The following TET2 variants were observed in gnomAD, a reference collection of about 807,000 sequenced individuals.
TET2 encodes methylcytosine dioxygenase TET2.
A neutral mutation model predicts 142.9 loss-of-function variants in TET2; 299 were observed. The ratio of observed to expected loss-of-function variants is 2.09; its 90% CI spans 1.90 to 2.30. The LOEUF (loss-of-function observed/expected upper bound fraction) is 2.30. TET2 is among the 30% of genes most tolerant of loss of function. The pLI is 0.00. For missense variants in TET2, 2,418 were observed against 2,378.0 expected (o/e 1.02, Z -0.35); for synonymous variants, 819 against 849.0 (o/e 0.96, Z 0.61).
intron 1 of TET2, among the ~76,000 whole-genome samples, chr4:105,181,053 CA>C (rs1725093356): frequency 6.6e-6 from 1 of 152,254 alleles, no homozygotes; most frequent in Middle Eastern, 3.4e-3. Context: ...TCTATAAAAC[CA>C]AGTTTAAAAA....
chr4:105,237,178 C>T lies in TET2; in HGVS notation c.3236C>T (p.Pro1079Leu), dbSNP rs749559978. ...TTAAELDSHT[P>L]ALEQQTTSSE... ...GCTGCAGAACTTGATAGCCACACCC[C>T]AGCTTTAGAGCAGCAAACAACTTCT... Residue 1079 changes from proline (P) to leucine (L), a missense_variant, in exon 3 of 11, where the codon CCA becomes CTA. Pro to Leu is a moderately conservative substitution (Grantham distance 98). Coordinates refer to ENST00000380013, the MANE Select transcript of TET2 (RefSeq NM_001127208.3). 2 of 1,614,026 alleles carry T rather than the reference C, an allele frequency of 1.2e-6. No homozygotes were observed. Among genetic ancestry groups the T allele is most frequent in the African/African-American group, 1.3e-5 (1 of 74,928 alleles).
At chr4:105,153,344 T>G (rs1254591169) in intron 1 of TET2, among the ~76,000 whole-genome samples, 1 of 152,260 alleles carries the variant, frequency 6.6e-6, no homozygotes, top group Non-Finnish European at 1.5e-5. Flanking sequence ...TACCATTTAG[T>G]CACATGATCA....
Position 105,276,470 on chromosome 4 carries a change from C to T in TET2, c.5960C>T (p.Ser1987Phe), listed in dbSNP as rs2110317063. Residue 1987 changes from serine to phenylalanine, a missense_variant, in exon 11 of 11, where the codon TCT becomes TTT. Physicochemically the swap from Ser to Phe is radical, Grantham distance 155 (BLOSUM62 -2). Transcript: ENST00000380013. ...ACCACAGACTCCACAGTAACTACAT[C>T]TCCATATGCCTTCACTCGGGTCACA... is the stretch of plus-strand genomic sequence containing the variant. ...SVTTDSTVTT[S>F]PYAFTRVTGP... is the part of the protein sequence containing the mutation. 6.4e-7 allele frequency: 1 copy of T among 1,551,768 alleles called. No individual in the cohort carries two copies.
At chr4:105,185,991 T>G (rs1384573150) in intron 1 of TET2, among the ~76,000 whole-genome samples, 2 of 152,038 alleles carry the variant, frequency 1.3e-5, no homozygotes, top group East Asian at 3.9e-4. Flanking sequence ...CTTTGGAAGG[T>G]TGACGCAGGT....
In TET2 at chr4:105,190,451, C is replaced by T; in HGVS notation, c.-101C>T. The T allele has an allele frequency of 1.4e-6, 1 of 701,976 alleles. No homozygotes were observed. Among genetic ancestry groups the T allele is most frequent in the Non-Finnish European group, 2.6e-6 (1 of 384,676 alleles). The allele number at this position is 701,976 out of a possible 1,614,324, so 43.5% of individuals were successfully genotyped here. On this transcript the variant is annotated 5_prime_UTR_variant, in exon 2 of 11. Transcript: ENST00000380013. Reference sequence around the variant, plus strand: ...AACGCTTGGAAGCAGGAGATGGGCTCAGCAGCAGCCAATAGGACATGATCC... The same window carrying T: ...AACGCTTGGAAGCAGGAGATGGGCTTAGCAGCAGCCAATAGGACATGATCC...
rs1257076092 is a variant in TET2 at position 105,275,956 on chromosome 4, T to A, written c.5446T>A (p.Leu1816Ile). 9.7e-6 allele frequency: 15 copies of A among 1,551,872 alleles called. No homozygotes were observed. The highest frequency in any genetic ancestry group is 1.2e-5 in the Non-Finnish European group (14 of 1,147,018). ...HDRTACVQGGLHKLSDANGQE... is the reference protein window; with the variant it reads ...HDRTACVQGGIHKLSDANGQE... ...TAGAACTGCTTGTGTCCAAGGAGGC[T>A]TACACAAATTAAGTGATGCTAATGG... The change falls in exon 11 of 11, where the codon TTA (leucine) becomes ATA (isoleucine). Residue 1816 changes from leucine (L) to isoleucine (I), a missense_variant. Transcript: ENST00000380013.
chr4:105,162,308 G>GAATTCTGAAGCCTGCAAAATAAATAAGCC (rs1203967318), intron 1 of TET2, among the ~76,000 whole-genome samples: 2 of 152,176 alleles, frequency 1.3e-5, no homozygotes, highest in Non-Finnish European at 2.9e-5. Context: ...GAAGCCTGCA[G>GAATTCTGAAGCCTGCAAAATAAATAAGCC]TTGTTTATCA....
intron 1 of TET2, among the ~76,000 whole-genome samples, chr4:105,183,027 C>T (rs1725211908): frequency 6.6e-6 from 1 of 152,000 alleles, no homozygotes; most frequent in Admixed American, 6.6e-5. Context: ...TACTTATCCC[C>T]CCAAAATACG....
chr4:105,233,674 A>G (rs1728643844), intron 2 of TET2, among the ~76,000 whole-genome samples: 1 of 152,196 alleles, frequency 6.6e-6, no homozygotes, highest in Admixed American at 6.5e-5. Context: ...CTTGTTCTCC[A>G]TGACCATAAA....
At chr4:105,199,138 TC>T (rs1347737974) in intron 2 of TET2, among the ~76,000 whole-genome samples, 2 of 152,212 alleles carry the variant, frequency 1.3e-5, no homozygotes, top group African/African-American at 4.8e-5. Context: ...GGTCTTCTAC[TC>T]TTTATTAAAG....
At chr4:105,176,944 G>A (rs1456648414) in intron 1 of TET2, among the ~76,000 whole-genome samples, 4 of 152,136 alleles carry the variant, frequency 2.6e-5, no homozygotes, top group Non-Finnish European at 5.9e-5. Context: ...AGAATAAAGA[G>A]CCCAAACAAA....
At chr4:105,260,439 C>A (rs1297000653) in intron 7 of TET2, among the ~76,000 whole-genome samples, 4 of 151,728 alleles carry the variant, frequency 2.6e-5, no homozygotes, top group Non-Finnish European at 5.9e-5. Flanking sequence ...CCATTTAATA[C>A]CCCCAATAAA....
intron 2 of TET2, among the ~76,000 whole-genome samples, chr4:105,192,777 C>T (rs1400433672): frequency 1.3e-5 from 2 of 151,676 alleles, no homozygotes; most frequent in African/African-American, 4.8e-5. Flanking sequence ...ATAGTAAATA[C>T]CAAGAAGTGC....
intron 5 of TET2, 90 bp from the exon 6 acceptor site, chr4:105,243,480 A>G: frequency 8.9e-7 from 1 of 1,121,646 alleles, no homozygotes; most frequent in Non-Finnish European, 1.3e-6. Flanking sequence ...TAAAATATAC[A>G]TACATAAGTG....
intron 1 of TET2, among the ~76,000 whole-genome samples, chr4:105,157,485 GGTT>G (rs1723626005): frequency 6.6e-6 from 1 of 152,074 alleles, no homozygotes; most frequent in African/African-American, 2.4e-5. Context: ...TTTAAAACAA[GGTT>G]GTATTTTAAT....
chr4:105,219,826 A>G (rs996122562), intron 2 of TET2, among the ~76,000 whole-genome samples: 1 of 152,084 alleles, frequency 6.6e-6, no homozygotes, highest in Non-Finnish European at 1.5e-5. Context: ...CCCTCATTAT[A>G]TAGTATTTAA....
At chr4:105,168,451 C>T (rs552018053) in intron 1 of TET2, among the ~76,000 whole-genome samples, 1 of 152,100 alleles carries the variant, frequency 6.6e-6, no homozygotes, top group Non-Finnish European at 1.5e-5. Flanking sequence ...TTCAGAGAGC[C>T]ACAGGTATTG....
intron 2 of TET2, among the ~76,000 whole-genome samples, chr4:105,216,412 C>T (rs543103654): frequency 2.0e-5 from 3 of 151,772 alleles, no homozygotes; most frequent in African/African-American, 7.2e-5. Context: ...TTTTCTTCAT[C>T]GTAATTCAGT....
chr4:105,157,078 T>G (rs565182841), intron 1 of TET2, among the ~76,000 whole-genome samples: 1 of 152,308 alleles, frequency 6.6e-6, no homozygotes, highest in Admixed American at 6.5e-5. Flanking sequence ...TTTGTTCTAC[T>G]GTGCACTCTC....
Sources: allele counts gnomAD v4.1 joint callset (sites outside exome capture counted in the v4.1 genomes callset), GRCh38; gene constraint gnomAD v4.1.1; transcripts MANE v1.5; gene names NCBI Gene and HGNC (gene_info 2026-07-23, HGNC 2026-07-21).